COL24A1: variants seen among roughly 807,000 people sequenced by gnomAD.
COL24A1 encodes collagen type XXIV alpha 1 chain.
In COL24A1, 224 loss-of-function variants were observed where a neutral mutation model predicts 253.9. The observed-to-expected ratio is 0.88, with a 90% CI of 0.79 to 0.99. The LOEUF (loss-of-function observed/expected upper bound fraction) is 0.99, where lower values mean the gene tolerates loss of function less well. COL24A1 is among the 50% of genes least tolerant of loss of function. The pLI is 0.00. For synonymous variants in COL24A1, 685 were observed against 673.7 expected, an observed-to-expected ratio of 1.02 and a Z score of -0.26; for missense variants, 2,131 against 2,068.5, an observed-to-expected ratio of 1.03 and a Z score of -0.59.
At chr1:85,929,895 G>T in intron 24 of COL24A1, among the ~76,000 whole-genome samples, 1 of 128,832 alleles carries the variant, frequency 7.8e-6, no homozygotes, top group African/African-American at 3.0e-5. Flanking sequence ...CGAGAACAAA[G>T]ACACCACATA....
intron 37 of COL24A1, among the ~76,000 whole-genome samples, chr1:85,853,423 C>T (rs145592599): frequency 5.3e-4 from 80 of 152,082 alleles, no homozygotes; most frequent in Admixed American, 5.2e-4. Context: ...AATGGTGCTG[C>T]GCTGAAGATA....
At chr1:85,849,659 G>T (rs1052015532) in intron 37 of COL24A1, among the ~76,000 whole-genome samples, 1 of 152,106 alleles carries the variant, frequency 6.6e-6, no homozygotes, top group Non-Finnish European at 1.5e-5. Context: ...ATTATTCTAG[G>T]TGGAACATTA....
intron 35 of COL24A1, 49 bp downstream of exon 35, chr1:85,874,600 C>A: frequency 1.3e-6 from 2 of 1,539,578 alleles, no homozygotes; most frequent in East Asian, 4.5e-5. Context: ...TTTTGAGCCT[C>A]TGAAAGAAGT....
chr1:85,811,699 C>T (rs973897035), intron 47 of COL24A1, among the ~76,000 whole-genome samples: 1 of 152,150 alleles, frequency 6.6e-6, no homozygotes, highest in African/African-American at 2.4e-5. Context: ...TTGCATTTCC[C>T]TAATGGTAGT....
chr1:85,744,748 G>C lies in COL24A1; in HGVS notation c.4590C>G (p.Ser1530Arg). The C allele has an allele frequency of 6.2e-7, 1 of 1,607,988 alleles. No individual in the cohort carries two copies. Among genetic ancestry groups the C allele is most frequent in the Non-Finnish European group, 8.5e-7 (1 of 1,177,976 alleles). Residue 1530 changes from serine to arginine, a missense_variant, in exon 57 of 60, where the codon AGC becomes AGG. Ser to Arg is a moderately radical substitution (Grantham distance 110). Transcript: ENST00000370571. Reference protein sequence around the residue: ...TLNYLSNLLHSIKNPLGTRDN... With the variant: ...TLNYLSNLLHRIKNPLGTRDN... ...CTCGTGTGCCAAGAGGATTCTTGATGCTGTGCAATAAATTGCTAAGGTAGT... is the reference window on the plus strand; with the variant it reads ...CTCGTGTGCCAAGAGGATTCTTGATCCTGTGCAATAAATTGCTAAGGTAGT...
intron 2 of COL24A1, among the ~76,000 whole-genome samples, chr1:86,134,253 G>T (rs9662736): frequency 1.3e-5 from 2 of 148,576 alleles, no homozygotes; most frequent in Admixed American, 1.3e-4. Context: ...CTTCTTTATT[G>T]GTCTTGCTGG....
At chr1:86,106,628 C>T (rs2102091757) in intron 5 of COL24A1, among the ~76,000 whole-genome samples, 1 of 152,220 alleles carries the variant, frequency 6.6e-6, no homozygotes, top group African/African-American at 2.4e-5. Flanking sequence ...TGAACATTCC[C>T]ATCGCGCTGC....
intron 6 of COL24A1, among the ~76,000 whole-genome samples, chr1:86,091,100 T>C (rs1448301263): frequency 6.6e-6 from 1 of 152,110 alleles, no homozygotes; most frequent in Non-Finnish European, 1.5e-5. Flanking sequence ...TGCAGAATTT[T>C]GTCCTTGCAA....
intron 23 of COL24A1, among the ~76,000 whole-genome samples, chr1:85,964,664 A>G (rs1691388103): frequency 6.6e-6 from 1 of 152,176 alleles, no homozygotes; most frequent in African/African-American, 2.4e-5. Flanking sequence ...TTTGAGTATC[A>G]GCATGACACT....
chr1:86,037,674 C>T (rs913638470), intron 12 of COL24A1, among the ~76,000 whole-genome samples: 1 of 152,130 alleles, frequency 6.6e-6, no homozygotes, highest in Non-Finnish European at 1.5e-5. Flanking sequence ...GAGCAGAAGA[C>T]TCAGTTAAGT....
chr1:86,022,610 T>A lies in COL24A1; in HGVS notation c.2149-19A>T, dbSNP rs1414913033. On this transcript the variant is annotated intron_variant, in intron 16 of 59. Coordinates refer to ENST00000370571, the MANE Select transcript of COL24A1 (RefSeq NM_152890.7). ...GTTCACCCTGGAAAGCACAATTTCATGCAAAGATACTTATGTATCACAAAC... is the reference window on the plus strand; with the variant it reads ...GTTCACCCTGGAAAGCACAATTTCAAGCAAAGATACTTATGTATCACAAAC... 1 of 1,608,016 alleles carries A rather than the reference T, an allele frequency of 6.2e-7. No homozygotes were observed. The highest frequency in any genetic ancestry group is 1.1e-5 in the South Asian group (1 of 89,466).
intron 43 of COL24A1, among the ~76,000 whole-genome samples, chr1:85,830,119 G>A (rs1674999738): frequency 6.6e-6 from 1 of 151,998 alleles, no homozygotes; most frequent in Admixed American, 6.6e-5. Flanking sequence ...TGTCCTTTCT[G>A]TTTGTTAGTT....
intron 37 of COL24A1, among the ~76,000 whole-genome samples, chr1:85,858,928 G>A (rs533059153): frequency 6.6e-4 from 100 of 152,032 alleles, no homozygotes; most frequent in African/African-American, 2.2e-3. Context: ...GGTAGCGATG[G>A]GGGTTCTTTA....
At chr1:85,882,158 A>C (rs1681921223) in intron 32 of COL24A1, among the ~76,000 whole-genome samples, 1 of 152,176 alleles carries the variant, frequency 6.6e-6, no homozygotes, top group Non-Finnish European at 1.5e-5. Flanking sequence ...GTGTGAGAGC[A>C]AACATTGTAT....
intron 24 of COL24A1, among the ~76,000 whole-genome samples, chr1:85,935,386 T>C (rs1050268295): frequency 6.8e-6 from 1 of 147,612 alleles, no homozygotes; most frequent in African/African-American, 2.5e-5. Context: ...GACCTTTTCA[T>C]TGGAGGGTAA....
At position 85,799,204 on chromosome 1, in the gene COL24A1, G is replaced by A. The variant is rs920200441; in HGVS notation, c.3952-12743C>T. Among the ~76,000 whole-genome samples the A allele has an allele frequency of 2.1e-4, 10 of 46,876 alleles. No individual in the cohort carries two copies. In the East Asian group the frequency reaches 5.4e-3, roughly 25 times the overall value. The allele number at this position is 46,876 out of a possible 152,430, so 30.8% of individuals were successfully genotyped here. Reference sequence around the variant, plus strand: ...ATGCCAAGAATTCTTTAATTCCTTGGCCACATAAAAGAAAGAAAGAAAGAA... The same window carrying A: ...ATGCCAAGAATTCTTTAATTCCTTGACCACATAAAAGAAAGAAAGAAAGAA... On this transcript the variant is annotated intron_variant, in intron 47 of 59. Coordinates refer to ENST00000370571, the MANE Select transcript of COL24A1 (RefSeq NM_152890.7).
intron 24 of COL24A1, among the ~76,000 whole-genome samples, chr1:85,958,922 T>TAA (rs1690749019): frequency 6.6e-6 from 1 of 152,104 alleles, no homozygotes; most frequent in Non-Finnish European, 1.5e-5. Context: ...GAGGTAGACA[T>TAA]GAAATATAGG....
chr1:85,812,100 C>G (rs1455958403), intron 47 of COL24A1, among the ~76,000 whole-genome samples: 2 of 117,842 alleles, frequency 1.7e-5, no homozygotes, highest in Non-Finnish European at 1.9e-5. Flanking sequence ...AATGGCTACG[C>G]TCTCGTTCTC....
rs185676033 is a variant in COL24A1 at position 86,020,160 on chromosome 1, T to C, written c.2256+2080A>G. Among the ~76,000 whole-genome samples, 576 of 139,262 alleles carry C rather than the reference T, an allele frequency of 4.1e-3. 1 individual carries two copies. The highest frequency in any genetic ancestry group is 0.015 in the African/African-American group (531 of 36,236). The allele number at this position is 139,262 out of a possible 152,430, so 91.4% of individuals were successfully genotyped here. ...TTGACTTACTGCAACCTCTGCCTTC[T>C]GGATTCAAGCGATTCTCCTGCCTCA... On this transcript the variant is annotated intron_variant, in intron 18 of 59. Coordinates refer to ENST00000370571, the MANE Select transcript of COL24A1 (RefSeq NM_152890.7).
Sources: gnomAD v4.1 joint callset for allele counts (sites outside exome capture counted in the v4.1 genomes callset) on GRCh38, gnomAD v4.1.1 for gene constraint, MANE v1.5 for transcripts, NCBI Gene and HGNC (gene_info 2026-07-23, HGNC 2026-07-21) for gene names.